The following SPATA31H1 variants were observed in gnomAD, a reference collection of about 807,000 sequenced individuals.
SPATA31H1 encodes the protein spermatogenesis-associated protein 31H1.
chr2:27,577,195 A>C, the SPATA31H1 span: 3 of 1,614,024 alleles, frequency 1.9e-6, no homozygotes, highest in Non-Finnish European at 2.5e-6. The surrounding 1 kb of genome is among the most constrained non-coding windows in gnomAD (Gnocchi z 4.5). Context: ...AAATTTGTTG[A>C]TCTGACTCCA....
the SPATA31H1 span, chr2:27,579,190 A>C: frequency 1.2e-6 from 2 of 1,614,074 alleles, no homozygotes; most frequent in Non-Finnish European, 1.7e-6. Context: ...AGACAACACA[A>C]TGTCTGGGAG....
chr2:27,575,142 G>A, the SPATA31H1 span: 1 of 398,498 alleles, frequency 2.5e-6, no homozygotes, highest in Non-Finnish European at 4.4e-6. The surrounding 1 kb of genome is among the most constrained non-coding windows in gnomAD (Gnocchi z 4.1). Flanking sequence ...TATGAAATCT[G>A]GGTTGATAAA....
At chr2:27,577,091 T>C in the SPATA31H1 span, 3 of 1,614,022 alleles carry the variant, frequency 1.9e-6, no homozygotes, top group African/African-American at 4.0e-5. This position sits in a 1 kb window ranked among gnomAD's most constrained non-coding sequence, Gnocchi z 4.5. Flanking sequence ...AAGGCATAGA[T>C]ACTGTAGAGA....
chr2:27,544,666 C>G, the SPATA31H1 span, among the ~76,000 whole-genome samples: 1 of 151,398 alleles, frequency 6.6e-6, no homozygotes, highest in African/African-American at 2.4e-5. Context: ...TACCAAGTAG[C>G]TGGGATTACA....
At chr2:27,568,977 G>T in the SPATA31H1 span, 1 of 398,978 alleles carries the variant, frequency 2.5e-6, no homozygotes, top group Non-Finnish European at 4.4e-6. Context: ...TCAAGGAAAA[G>T]AAGCAAAGTT....
At chr2:27,560,460 ATT>A in the SPATA31H1 span, among the ~76,000 whole-genome samples, 14 of 140,726 alleles carry the variant, frequency 9.9e-5, no homozygotes, top group African/African-American at 2.3e-4. Flanking sequence ...CTCAAAGAGT[ATT>A]TTTTTTTTTT....
At chr2:27,543,271 C>T in the SPATA31H1 span, among the ~76,000 whole-genome samples, 8 of 151,616 alleles carry the variant, frequency 5.3e-5, no homozygotes, top group Non-Finnish European at 7.4e-5. Flanking sequence ...TCCTTAGGAA[C>T]TTAAAAAGCA....
chr2:27,564,883 A>G, the SPATA31H1 span, among the ~76,000 whole-genome samples: 1 of 152,226 alleles, frequency 6.6e-6, no homozygotes, highest in Non-Finnish European at 1.5e-5. Flanking sequence ...TTTGAAAAAA[A>G]TCCCAGAAGT....
chr2:27,580,804 C>T, the SPATA31H1 span: 1 of 1,614,150 alleles, frequency 6.2e-7, no homozygotes, highest in Non-Finnish European at 8.5e-7. Context: ...GACAAGAGGT[C>T]AGCTGACAAG....
chr2:27,570,810 G>A, the SPATA31H1 span: 8 of 398,888 alleles, frequency 2.0e-5, no homozygotes, highest in African/African-American at 1.4e-4. Context: ...AAAATATGTA[G>A]CAGGCAACCA....
the SPATA31H1 span, chr2:27,570,395 T>C: frequency 1.0e-5 from 4 of 398,836 alleles, no homozygotes; most frequent in African/African-American, 8.2e-5. Flanking sequence ...TCAAATTTTC[T>C]GAATTGACTT....
chr2:27,568,191 C>T, the SPATA31H1 span: 45 of 398,972 alleles, frequency 1.1e-4, no homozygotes, highest in Non-Finnish European at 1.7e-4. Flanking sequence ...GACTCCAACA[C>T]CACGATATCA....
chr2:27,537,864 T>C, the SPATA31H1 span, among the ~76,000 whole-genome samples: 1 of 152,124 alleles, frequency 6.6e-6, no homozygotes, highest in Admixed American at 6.5e-5. Flanking sequence ...GTTGCTGACA[T>C]GGGAGGTAGA....
At chr2:27,579,730 A>G in the SPATA31H1 span, 3 of 1,614,198 alleles carry the variant, frequency 1.9e-6, no homozygotes, top group African/African-American at 4.0e-5. Context: ...GAGGACTCAC[A>G]GAGTGATTCC....
chr2:27,539,662 A>T, the SPATA31H1 span, among the ~76,000 whole-genome samples: 1 of 102,120 alleles, frequency 9.8e-6, no homozygotes, highest in Non-Finnish European at 1.9e-5. Context: ...GTGGCCGGGC[A>T]GAGGGGCTCC....
chr2:27,581,094 A>G, the SPATA31H1 span: 3 of 1,614,208 alleles, frequency 1.9e-6, no homozygotes, highest in South Asian at 1.1e-5. Flanking sequence ...CACACCAGGA[A>G]CCAGAGTTCA....
At chr2:27,581,206 A>G in the SPATA31H1 span, 1 of 1,614,100 alleles carries the variant, frequency 6.2e-7, no homozygotes, top group Non-Finnish European at 8.5e-7. Flanking sequence ...CCCAGCTTCT[A>G]TAGGGAGAGA....
chr2:27,567,429 C>T, the SPATA31H1 span: 1 of 449,224 alleles, frequency 2.2e-6, no homozygotes, highest in East Asian at 3.2e-5. Context: ...GTTATCTATG[C>T]CCATTCATCA....
chr2:27,578,916 A>G, the SPATA31H1 span: 93 of 1,614,198 alleles, frequency 5.8e-5, 4 homozygotes, highest in South Asian at 7.7e-4. Context: ...AGAGACCTAT[A>G]TAGACCCTAC....
Sources: gnomAD v4.1 joint callset for allele counts (sites outside exome capture counted in the v4.1 genomes callset) on GRCh38, gnomAD v4.1.1 for gene constraint, Gnocchi (gnomAD v3.1) non-coding constraint, MANE v1.5 for transcripts, NCBI Gene and HGNC (gene_info 2026-07-23, HGNC 2026-07-21) for gene names.